Variants in PTPN22 observed in about 807,000 individuals in gnomAD.
The protein encoded by PTPN22 is protein tyrosine phosphatase non-receptor type 22.
Under a neutral mutation model 103.3 loss-of-function variants are expected in PTPN22, and 85 were observed. The observed-to-expected ratio is 0.82, with a 90% CI of 0.69 to 0.99. The LOEUF (loss-of-function observed/expected upper bound fraction) is 0.99. Among genes scored for constraint, PTPN22 ranks in the 50% least tolerant of loss-of-function variants. The probability of loss-of-function intolerance (pLI) is 0.00; values close to 1 mark genes in which losing one functional copy is unlikely to be tolerated. For synonymous variants in PTPN22, 323 were observed against 310.2 expected (o/e 1.04, Z -0.43); for missense variants, 865 against 936.9 (o/e 0.92, Z 1.00).
chr1:113,856,495 T>TA, intron 6 of PTPN22, 53 bp downstream of exon 6: 3 of 1,614,066 alleles, frequency 1.9e-6, no homozygotes, highest in Non-Finnish European at 2.5e-6. Flanking sequence ...AAGCTCTCTA[T>TA]AAGGTAGACC....
chr1:113,850,146 A>G (rs1233717416), intron 10 of PTPN22, among the ~76,000 whole-genome samples: 1 of 151,596 alleles, frequency 6.6e-6, no homozygotes, highest in African/African-American at 2.4e-5. Flanking sequence ...GCAGTGAGCC[A>G]AGATCGCACC....
Position 113,859,457 on chromosome 1 carries a change from G to T in PTPN22, c.91C>A (p.Leu31Met), listed in dbSNP as rs1184056346. The stretch of plus-strand genomic sequence containing the variant: ...TTGTACTTGGTAGATTGCCTTTTCA[G>T]CTTCTGTAATAAGATTCCAAGAAAA... The change falls in exon 2 of 21, where the codon CTG becomes ATG. Residue 31 changes from leucine to methionine, a missense_variant. Leu to Met is a conservative substitution (Grantham distance 15). Coordinates refer to ENST00000359785, the Ensembl canonical transcript of PTPN22. The T allele has an allele frequency of 1.2e-6, 2 of 1,608,876 alleles. No homozygotes were observed. The highest frequency in any genetic ancestry group is 1.7e-6 in the Non-Finnish European group (2 of 1,175,548).
At chr1:113,859,201 T>C (rs1325803729) in intron 2 of PTPN22, 123 bp from the exon 3 acceptor site, 1 of 1,550,232 alleles carries the variant, frequency 6.5e-7, no homozygotes, top group African/African-American at 1.4e-5. Context: ...AATGAATGAA[T>C]GAATGAATAT....
intron 1 of PTPN22, among the ~76,000 whole-genome samples, chr1:113,863,881 T>C (rs1202548231): frequency 6.7e-6 from 1 of 148,446 alleles, no homozygotes; most frequent in Admixed American, 6.8e-5. Flanking sequence ...TCTGTTAGGA[T>C]TCAATGAATC....
intron 15 of PTPN22, 149 bp downstream of exon 15, chr1:113,834,160 T>C (rs1017294056): frequency 8.5e-6 from 7 of 821,584 alleles, no homozygotes; most frequent in East Asian, 2.7e-5. Flanking sequence ...TTGTGTCTTA[T>C]ACATCCTTTT....
chr1:113,846,992 A>AT (rs778146828), intron 11 of PTPN22, among the ~76,000 whole-genome samples: 10,947 of 75,836 alleles, frequency 0.14, 953 homozygotes, highest in Non-Finnish European at 0.19. Context: ...CCAATGCTAG[A>AT]TTTTTTTTTT....
chr1:113,839,179 T>A (rs544188316), intron 11 of PTPN22, among the ~76,000 whole-genome samples: 26 of 152,336 alleles, frequency 1.7e-4, no homozygotes, highest in Admixed American at 1.2e-3. Context: ...AACTGTCATC[T>A]GCATAAGGAA....
At chr1:113,842,782 A>G (rs1663670602) in intron 11 of PTPN22, among the ~76,000 whole-genome samples, 1 of 151,474 alleles carries the variant, frequency 6.6e-6, no homozygotes. Context: ...CACAGCTGCT[A>G]TGGAAAAGAG....
intron 11 of PTPN22, among the ~76,000 whole-genome samples, chr1:113,840,230 A>AG: frequency 6.6e-6 from 1 of 152,034 alleles, no homozygotes; most frequent in East Asian, 1.9e-4. Flanking sequence ...TCAAAAAAAA[A>AG]AAAAAAATTG....
exon 13 of PTPN22, chr1:113,838,376 G>T: frequency 2.5e-6 from 4 of 1,593,734 alleles, no homozygotes; most frequent in South Asian, 1.1e-5. Context: ...TTTGTCCTTT[G>T]TTGGTTCATC....
At chr1:113,858,094 G>A (rs1665232533) in intron 4 of PTPN22, 1 of 200,272 alleles carries the variant, frequency 5.0e-6, no homozygotes, top group Non-Finnish European at 1.0e-5. Flanking sequence ...GTCTCATTCT[G>A]TCACCCAGGC....
intron 19 of PTPN22, among the ~76,000 whole-genome samples, chr1:113,822,683 C>T (rs372227910): frequency 2.2e-4 from 33 of 152,208 alleles, no homozygotes; most frequent in African/African-American, 7.9e-4. Flanking sequence ...TTTCTTGGGC[C>T]GGGCACAGTG....
chr1:113,832,259 C>T (rs927700576), intron 16 of PTPN22, among the ~76,000 whole-genome samples: 3 of 152,196 alleles, frequency 2.0e-5, no homozygotes, highest in Non-Finnish European at 2.9e-5. Flanking sequence ...GCAATCTCAG[C>T]TCACTGCAAC....
At chr1:113,850,924 C>A (rs1051298348) in intron 10 of PTPN22, among the ~76,000 whole-genome samples, 1 of 152,116 alleles carries the variant, frequency 6.6e-6, no homozygotes, top group Non-Finnish European at 1.5e-5. Flanking sequence ...CATCAATACA[C>A]GTTTCATGAA....
At position 113,826,659 on chromosome 1, in the gene PTPN22, A is replaced by ATTT. The variant is rs10563752; in HGVS notation, c.2251-1490_2251-1488dup. Among the ~76,000 whole-genome samples, 387 of 63,122 alleles carry ATTT rather than the reference A, an allele frequency of 6.1e-3. 58 individuals are homozygous for ATTT. The highest frequency in any genetic ancestry group is 0.022 in the Middle Eastern group (2 of 92). The allele number at this position is 63,122 out of a possible 152,430, so 41.4% of individuals were successfully genotyped here. ...CTCTACTTTTATGGTGGAGTCTCTA[A>ATTT]TTTTTTTTTTTTTTTTTTTTTTTTT... On this transcript the variant is annotated intron_variant, in intron 18 of 20. Coordinates refer to ENST00000359785, the Ensembl canonical transcript of PTPN22.
intron 3 of PTPN22, 50 bp downstream of exon 3, chr1:113,858,952 T>G: frequency 6.3e-7 from 1 of 1,586,926 alleles, no homozygotes. Flanking sequence ...CCTCCCCTTT[T>G]TTTGGGTATC....
chr1:113,842,152 G>A (rs1218321525), intron 11 of PTPN22, among the ~76,000 whole-genome samples: 3 of 152,228 alleles, frequency 2.0e-5, no homozygotes, highest in Non-Finnish European at 4.4e-5. Flanking sequence ...TGAGGCTTCA[G>A]TGAGCCATGA....
At chr1:113,842,799 T>C (rs1663672083) in intron 11 of PTPN22, among the ~76,000 whole-genome samples, 1 of 151,832 alleles carries the variant, frequency 6.6e-6, no homozygotes, top group Non-Finnish European at 1.5e-5. Flanking sequence ...AGAGTATGGC[T>C]GTTCTAAAAG....
intron 11 of PTPN22, among the ~76,000 whole-genome samples, chr1:113,841,229 G>GAA (rs1308695650): frequency 1.5e-5 from 2 of 137,930 alleles, no homozygotes; most frequent in East Asian, 4.1e-4. Context: ...CATCTCAAAG[G>GAA]AAAAAAAAAA....
Sources: gnomAD v4.1 joint callset for allele counts (sites outside exome capture counted in the v4.1 genomes callset) on GRCh38, gnomAD v4.1.1 for gene constraint, MANE v1.5 for transcripts, NCBI Gene and HGNC (gene_info 2026-07-23, HGNC 2026-07-21) for gene names.